DAB1: variants seen among roughly 807,000 people sequenced by gnomAD.
DAB1 encodes the protein disabled homolog 1.
DAB1 carries 15 observed loss-of-function variants against 64.6 expected under a neutral mutation model. The observed-to-expected ratio is 0.23, with a 90% CI of 0.16 to 0.36. The LOEUF (loss-of-function observed/expected upper bound fraction) is 0.36, where lower values mean the gene tolerates loss of function less well. Among genes scored for constraint, DAB1 ranks in the 10% least tolerant of loss-of-function variants. DAB1 has a pLI of 1.00. For synonymous variants in DAB1, 235 were observed against 251.9 expected (o/e 0.93, Z 0.64); for missense variants, 596 against 706.7 (o/e 0.84, Z 1.78).
intron 3 of DAB1, among the ~76,000 whole-genome samples, chr1:58,444,316 A>G (rs986459839): frequency 6.6e-6 from 1 of 152,230 alleles, no homozygotes; most frequent in Non-Finnish European, 1.5e-5. Context: ...TAAAAGCATT[A>G]CTCATATAAT....
intron 5 of DAB1, among the ~76,000 whole-genome samples, chr1:57,954,209 T>A (rs1018037224): frequency 2.6e-5 from 4 of 152,118 alleles, no homozygotes; most frequent in African/African-American, 7.2e-5. Context: ...CATCTATTTT[T>A]CGGTCTTTTC....
chr1:57,734,613 T>C (rs900648424), intron 6 of DAB1, among the ~76,000 whole-genome samples: 2 of 152,248 alleles, frequency 1.3e-5, no homozygotes, highest in Non-Finnish European at 2.9e-5. Flanking sequence ...ACAATGTGCC[T>C]GAACTTAAGT....
At chr1:57,463,800 A>C (rs1686867209) in intron 7 of DAB1, among the ~76,000 whole-genome samples, 1 of 152,158 alleles carries the variant, frequency 6.6e-6, no homozygotes, top group African/African-American at 2.4e-5. Flanking sequence ...ATTTCTTGAG[A>C]AACTATTTGG....
intron 5 of DAB1, among the ~76,000 whole-genome samples, chr1:58,098,996 G>A (rs542549159): frequency 5.9e-5 from 9 of 152,146 alleles, no homozygotes; most frequent in Non-Finnish European, 1.3e-4. Context: ...GGCCATGGAG[G>A]GGCAAATGGA....
At chr1:58,294,952 AT>A (rs1339525720) in intron 4 of DAB1, among the ~76,000 whole-genome samples, 1 of 150,976 alleles carries the variant, frequency 6.6e-6, no homozygotes. Flanking sequence ...GATGAGAAAG[AT>A]TTAAGGCTGA....
chr1:57,993,420 C>T (rs771040790), intron 5 of DAB1, among the ~76,000 whole-genome samples: 3 of 152,184 alleles, frequency 2.0e-5, no homozygotes, highest in Non-Finnish European at 4.4e-5. Flanking sequence ...ACCCCATCCT[C>T]GGAGAGCTGC....
chr1:58,358,912 T>TC (rs1276061884), intron 3 of DAB1, among the ~76,000 whole-genome samples: 2 of 85,064 alleles, frequency 2.4e-5, no homozygotes, highest in African/African-American at 5.1e-5. Flanking sequence ...TCTGTCTCTC[T>TC]CCCCCCCTTC....
At chr1:57,745,327 A>G (rs1481350976) in intron 6 of DAB1, among the ~76,000 whole-genome samples, 1 of 152,174 alleles carries the variant, frequency 6.6e-6, no homozygotes, top group Admixed American at 6.5e-5. Flanking sequence ...TTGAAACTTT[A>G]ATTAGATGAG....
intron 6 of DAB1, among the ~76,000 whole-genome samples, chr1:57,768,541 T>C (rs1279937208): frequency 6.7e-6 from 1 of 150,240 alleles, no homozygotes; most frequent in African/African-American, 2.4e-5. Flanking sequence ...TGTGTATACA[T>C]GTATATGTAT....
chr1:57,899,958 G>A (rs1220744266), intron 5 of DAB1, among the ~76,000 whole-genome samples: 1 of 149,256 alleles, frequency 6.7e-6, no homozygotes, highest in Non-Finnish European at 1.5e-5. Context: ...TTATTTTTTA[G>A]AGACAGGGTC....
In DAB1 at chr1:57,103,703, G is replaced by A. The variant is rs574135999; in HGVS notation, c.307-31289C>T. Among the ~76,000 whole-genome samples, 8 of 152,226 alleles carry A rather than the reference G, an allele frequency of 5.3e-5. No homozygotes were observed. In the South Asian group the frequency reaches 1.7e-3, roughly 32 times the overall value. ...CAAGTACTTTGATCTTAGCCTAAGA[G>A]CAAATGAAGCCACCAAAAAGCTTTA... On this transcript the variant is annotated intron_variant, in intron 4 of 14. Coordinates refer to ENST00000371236, the MANE Select transcript of DAB1 (RefSeq NM_001365792.1).
chr1:58,499,560 T>C (rs916980691), intron 3 of DAB1, among the ~76,000 whole-genome samples: 2 of 149,608 alleles, frequency 1.3e-5, no homozygotes, highest in East Asian at 2.0e-4. Flanking sequence ...TCAGGAAAAG[T>C]AGCTTCTGGA....
At chr1:57,397,086 T>G (rs1682873032) in intron 1 of DAB1, among the ~76,000 whole-genome samples, 3 of 152,178 alleles carry the variant, frequency 2.0e-5, no homozygotes, top group African/African-American at 7.2e-5. Context: ...TAGAAACCAT[T>G]TTATCCATTC....
At chr1:57,403,076 C>A (rs941960662) in intron 1 of DAB1, among the ~76,000 whole-genome samples, 1 of 152,182 alleles carries the variant, frequency 6.6e-6, no homozygotes, top group African/African-American at 2.4e-5. Flanking sequence ...ATTTTCTTAT[C>A]CCAGTTCTAG....
chr1:57,309,441 A>T (rs1570239853), intron 1 of DAB1, among the ~76,000 whole-genome samples: 1 of 152,226 alleles, frequency 6.6e-6, no homozygotes, highest in African/African-American at 2.4e-5. Flanking sequence ...CAAAAAGCAT[A>T]AAAGTGTCTT....
chr1:57,862,578 T>C (rs1654102573), intron 1 of DAB1: 1 of 152,176 alleles, frequency 6.6e-6, no homozygotes, highest in Non-Finnish European at 1.5e-5. Flanking sequence ...TCTTTCTGGA[T>C]TATACAAAAT....
chr1:58,190,879 T>G (rs1657353448), intron 4 of DAB1, among the ~76,000 whole-genome samples: 1 of 152,182 alleles, frequency 6.6e-6, no homozygotes, highest in Admixed American at 6.5e-5. Context: ...TTCTAGCTGA[T>G]GAGACTGTGG....
chr1:57,071,724 C>A, intron 5 of DAB1, 83 bp from the exon 6 acceptor site: 1 of 1,310,006 alleles, frequency 7.6e-7, no homozygotes, highest in Non-Finnish European at 1.1e-6. Context: ...GGCGACAACC[C>A]GCAGCCCTTC....
intron 5 of DAB1, among the ~76,000 whole-genome samples, chr1:57,918,104 A>AATAAATAAATAT (rs1644755632): frequency 6.6e-6 from 1 of 150,652 alleles, no homozygotes; most frequent in African/African-American, 2.4e-5. Flanking sequence ...TAAATAAATA[A>AATAAATAAATAT]ATATAAAAAT....
Sources: allele counts gnomAD v4.1 joint callset (sites outside exome capture counted in the v4.1 genomes callset), GRCh38; gene constraint gnomAD v4.1.1; transcripts MANE v1.5; gene names NCBI Gene and HGNC (gene_info 2026-07-23, HGNC 2026-07-21).